Variants in DNMBP observed in about 807,000 individuals in gnomAD.
DNMBP encodes dynamin binding protein, also known as dynamin-binding protein.
A neutral mutation model predicts 150.0 loss-of-function variants in DNMBP; 87 were observed. The observed-to-expected ratio is 0.58, with a 90% CI of 0.49 to 0.69. The LOEUF (loss-of-function observed/expected upper bound fraction) is 0.69. Among genes scored for constraint, DNMBP ranks in the 30% least tolerant of loss-of-function variants. DNMBP has a pLI of 0.00. For missense variants in DNMBP, 1,774 were observed against 1,949.0 expected, an observed-to-expected ratio of 0.91 and a Z score of 1.69; for synonymous variants, 711 against 750.4, an observed-to-expected ratio of 0.95 and a Z score of 0.86.
intron 15 of DNMBP, among the ~76,000 whole-genome samples, chr10:99,883,638 C>CAA (rs71009782): frequency 0.011 from 727 of 65,548 alleles, 38 homozygotes; most frequent in East Asian, 0.02. Flanking sequence ...AAGACTGCCA[C>CAA]AAAAAAAAAA....
At chr10:99,891,461 T>C (rs1161420324) in intron 11 of DNMBP, among the ~76,000 whole-genome samples, 1 of 151,966 alleles carries the variant, frequency 6.6e-6, no homozygotes, top group Non-Finnish European at 1.5e-5. Flanking sequence ...AGACGGAGTC[T>C]CGTTCACTCA....
chr10:99,915,108 A>ATATATATATATATAT (rs1554863106), intron 4 of DNMBP, among the ~76,000 whole-genome samples: 8 of 99,796 alleles, frequency 8.0e-5, no homozygotes, highest in African/African-American at 3.5e-4. Flanking sequence ...AAAAAAAAAA[A>ATATATATATATATAT]ATATATATAT....
chr10:99,904,140 A>T (rs1422347473), intron 6 of DNMBP, among the ~76,000 whole-genome samples: 3 of 152,162 alleles, frequency 2.0e-5, no homozygotes, highest in Admixed American at 1.3e-4. Context: ...CTGTAGTCCC[A>T]GCTACTAGGG....
At chr10:100,007,067 A>G (rs2041079986) in intron 1 of DNMBP, among the ~76,000 whole-genome samples, 1 of 151,986 alleles carries the variant, frequency 6.6e-6, no homozygotes, top group Admixed American at 6.6e-5. Flanking sequence ...GTGAGCTGTG[A>G]TCACGCCACT....
rs1218095546 is a variant in DNMBP at position 99,956,697 on chromosome 10, T to C, written c.777A>G (p.Pro259=). ...VALYRFQALE[P]NELDFEVGDK... is the part of the protein sequence containing the mutation. The stretch of plus-strand genomic sequence containing the variant: ...CCCCGACCTCGAAATCCAGCTCATT[T>C]GGCTCCAGGGCTTGGAATCTGTACA... Residue 259 remains proline, a synonymous_variant, in exon 4 of 17, where the codon CCA becomes CCG. Coordinates refer to ENST00000324109, the MANE Select transcript of DNMBP (RefSeq NM_015221.4). 5 of 1,613,650 alleles carry C rather than the reference T, an allele frequency of 3.1e-6. No homozygotes were observed. The highest frequency in any genetic ancestry group is 3.4e-6 in the Non-Finnish European group (4 of 1,179,706).
chr10:99,997,975 C>T (rs1271723337), intron 1 of DNMBP, among the ~76,000 whole-genome samples: 2 of 146,608 alleles, frequency 1.4e-5, no homozygotes, highest in Non-Finnish European at 3.0e-5. Context: ...TGGCTCACAC[C>T]TGTAATCCCC....
At position 99,888,761 on chromosome 10, in the gene DNMBP, A is replaced by T. The variant is rs1029105854; in HGVS notation, c.3285+64T>A. On this transcript the variant is annotated intron_variant, in intron 12 of 16. Coordinates refer to ENST00000324109, the MANE Select transcript of DNMBP (RefSeq NM_015221.4). ...GCCTGTGTCCGTGGAACTGACTTGCATGAGCTGATGTATTTGAGATGACCC... is the reference window on the plus strand; with the variant it reads ...GCCTGTGTCCGTGGAACTGACTTGCTTGAGCTGATGTATTTGAGATGACCC... 144 of 1,599,894 alleles carry T rather than the reference A, an allele frequency of 9.0e-5. 1 individual carries two copies. In the South Asian group the frequency reaches 1.5e-3, roughly 17 times the overall value.
intron 4 of DNMBP, among the ~76,000 whole-genome samples, chr10:99,909,733 A>G (rs182627878): frequency 3.9e-5 from 6 of 152,352 alleles, no homozygotes; most frequent in Admixed American, 2.6e-4. Flanking sequence ...GATTTTCCCT[A>G]TGAAAACCTT....
At chr10:99,936,920 A>G (rs2040239702) in intron 4 of DNMBP, among the ~76,000 whole-genome samples, 2 of 151,852 alleles carry the variant, frequency 1.3e-5, no homozygotes, top group African/African-American at 4.8e-5. Flanking sequence ...ATTCTTTGAG[A>G]CAGAGTGTTA....
At position 99,991,798 on chromosome 10, in the gene DNMBP, C is replaced by T. The variant is rs963327057; in HGVS notation, c.-11+18040G>A. Among the ~76,000 whole-genome samples the T allele has an allele frequency of 8.0e-5, 12 of 150,658 alleles. No individual in the cohort carries two copies. In the South Asian group the frequency reaches 1.9e-3, roughly 24 times the overall value. On this transcript the variant is annotated intron_variant, in intron 1 of 16. Transcript: ENST00000324109. ...GCAGGCGCCTGTAGTCCCAGCTACT[C>T]GGGAGGCTGAGGCAGGAGAATGGTG... is the stretch of plus-strand genomic sequence containing the variant.
chr10:99,922,357 A>G (rs534216073), intron 4 of DNMBP, among the ~76,000 whole-genome samples: 31 of 151,944 alleles, frequency 2.0e-4, no homozygotes, highest in African/African-American at 7.5e-4. Context: ...ATCCTAACTC[A>G]TTATCTTGCC....
chr10:100,008,215 C>T (rs559971126), intron 1 of DNMBP, among the ~76,000 whole-genome samples: 2 of 152,288 alleles, frequency 1.3e-5, no homozygotes, highest in African/African-American at 2.4e-5. Context: ...GGGAAATGCC[C>T]TGCCTTGGGG....
Position 99,886,300 on chromosome 10 carries a change from C to T in DNMBP, c.3618G>A (p.Ser1206=), listed in dbSNP as rs1257447198. The part of the protein sequence containing the change: ...QALEQLKPLL[S]LLKVAGREGN... ...CCCACTGAACAGGTAAGAAACTCAC[C>T]GAAAGCAGTGGCTTTAATTGCTCCA... Residue 1206 remains serine (S), a splice_region_variant and synonymous_variant, in exon 13 of 17, where the codon TCG becomes TCA. Coordinates refer to ENST00000324109, the MANE Select transcript of DNMBP (RefSeq NM_015221.4). The T allele has an allele frequency of 9.3e-6, 15 of 1,609,564 alleles. No individual in the cohort carries two copies. The highest frequency in any genetic ancestry group is 4.4e-5 in the South Asian group (4 of 90,890).
chr10:99,969,224 G>T lies in DNMBP; in HGVS notation c.159C>A (p.Ser53Arg). ...GAATGGTCACAATTTCCACAAAACT[G>T]CTGGGGAATTGTCCTGAAAATAAAA... ...KKEDVTGQFP[S>R]SFVEIVTIPS... is the part of the protein sequence containing the mutation. Residue 53 changes from serine to arginine, a missense_variant, in exon 3 of 17, where the codon AGC (serine) becomes AGA (arginine). Around this residue, in one of 2 missense-constraint regions of DNMBP, gnomAD observed 344 missense variants for 456.6 expected, o/e 0.75. Coordinates refer to ENST00000324109, the MANE Select transcript of DNMBP (RefSeq NM_015221.4). The T allele has an allele frequency of 6.2e-7, 1 of 1,613,878 alleles. No individual in the cohort carries two copies. Among genetic ancestry groups the T allele is most frequent in the South Asian group, 1.1e-5 (1 of 91,044 alleles).
intron 4 of DNMBP, among the ~76,000 whole-genome samples, chr10:99,918,469 C>T (rs1160368975): frequency 6.6e-6 from 1 of 152,032 alleles, no homozygotes; most frequent in Non-Finnish European, 1.5e-5. Context: ...ACCTCGGAGA[C>T]CCAGCTCAAA....
chr10:99,940,568 C>T (rs561068276), intron 4 of DNMBP, among the ~76,000 whole-genome samples: 39 of 152,228 alleles, frequency 2.6e-4, no homozygotes, highest in African/African-American at 8.9e-4. Flanking sequence ...GGATCAGTCC[C>T]GTAAACTTAT....
At chr10:99,903,658 G>A (rs549932270) in intron 6 of DNMBP, among the ~76,000 whole-genome samples, 1 of 152,124 alleles carries the variant, frequency 6.6e-6, no homozygotes, top group South Asian at 2.1e-4. Context: ...AATTCCTAAA[G>A]CCACCCATGT....
At position 99,880,243 on chromosome 10, in the gene DNMBP, G is replaced by C. The variant is rs1212722004; in HGVS notation, c.4116C>G (p.Pro1372=). The C allele has an allele frequency of 1.2e-6, 2 of 1,614,034 alleles. No homozygotes were observed. The highest frequency in any genetic ancestry group is 1.7e-6 in the Non-Finnish European group (2 of 1,180,028). The change falls in exon 16 of 17, where the codon CCC becomes CCG. Residue 1372 remains proline (P), a synonymous_variant. Coordinates refer to ENST00000324109, the MANE Select transcript of DNMBP (RefSeq NM_015221.4). The part of the protein sequence containing the change: ...STESEHGSSS[P]RFPRQNSGST... ...TGCCGCTGTTCTGGCGTGGGAACCTGGGGGAGGAGCTGCCGTGCTCAGACT... is the reference window on the plus strand; with the variant it reads ...TGCCGCTGTTCTGGCGTGGGAACCTCGGGGAGGAGCTGCCGTGCTCAGACT...
intron 1 of DNMBP, among the ~76,000 whole-genome samples, chr10:99,994,350 T>C (rs1318966559): frequency 6.6e-6 from 1 of 152,190 alleles, no homozygotes; most frequent in Non-Finnish European, 1.5e-5. Flanking sequence ...AAATGGTACA[T>C]ACAGTACTCA....
Sources: allele counts gnomAD v4.1 joint callset (sites outside exome capture counted in the v4.1 genomes callset), GRCh38; gene constraint gnomAD v4.1.1; regional missense constraint gnomAD v4.1.1; transcripts MANE v1.5; gene names NCBI Gene and HGNC (gene_info 2026-07-23, HGNC 2026-07-21).